Variants in POU3F3 observed in about 807,000 individuals in gnomAD.
POU3F3 encodes POU domain, class 3, transcription factor 3.
Under a neutral mutation model 8.6 loss-of-function variants are expected in POU3F3, and 1 was observed. The observed-to-expected ratio is 0.12, with a 90% CI of 0.04 to 0.55. POU3F3 has a LOEUF of 0.55. Ranked by LOEUF, POU3F3 falls within the 20% of genes least tolerant of loss-of-function variation. POU3F3 has a pLI of 0.91. For synonymous variants in POU3F3, 418 were observed against 327.4 expected (o/e 1.28, Z -2.99); for missense variants, 577 against 690.7 (o/e 0.84, Z 1.84).
the POU3F3 span, among the ~76,000 whole-genome samples, chr2:104,903,362 G>A: frequency 3.9e-5 from 6 of 152,126 alleles, no homozygotes; most frequent in African/African-American, 4.8e-5. Context: ...CCCATGCACC[G>A]GTGCTATATG....
chr2:104,878,321 A>G, the POU3F3 span, among the ~76,000 whole-genome samples: 8 of 152,228 alleles, frequency 5.3e-5, no homozygotes, highest in East Asian at 1.9e-4. Flanking sequence ...ATTATTTTCA[A>G]TGGAGTGGAT....
the POU3F3 span, among the ~76,000 whole-genome samples, chr2:104,898,634 G>A: frequency 6.6e-6 from 1 of 152,102 alleles, no homozygotes; most frequent in Non-Finnish European, 1.5e-5. Flanking sequence ...CCTTTGGTAA[G>A]CCTTACTAAC....
the POU3F3 span, among the ~76,000 whole-genome samples, chr2:104,916,810 G>C: frequency 6.6e-6 from 1 of 152,124 alleles, no homozygotes; most frequent in African/African-American, 2.4e-5. Flanking sequence ...TGCTGCGAAG[G>C]TTAATCTTAT....
chr2:104,877,560 C>T, the POU3F3 span, among the ~76,000 whole-genome samples: 5 of 152,126 alleles, frequency 3.3e-5, no homozygotes, highest in South Asian at 2.1e-4. Context: ...CTGGCTGAGA[C>T]AGAGCCAAGA....
chr2:104,906,560 A>G, the POU3F3 span, among the ~76,000 whole-genome samples: 3 of 152,122 alleles, frequency 2.0e-5, no homozygotes, highest in Admixed American at 6.5e-5. Flanking sequence ...CCTTTTTGTC[A>G]TGTTAAAAAA....
chr2:104,887,729 G>A, the POU3F3 span, among the ~76,000 whole-genome samples: 1 of 152,190 alleles, frequency 6.6e-6, no homozygotes, highest in Non-Finnish European at 1.5e-5. Context: ...CTAGTCCCAG[G>A]TGCATTCCGA....
the POU3F3 span, among the ~76,000 whole-genome samples, chr2:104,871,932 G>A: frequency 6.6e-6 from 1 of 152,144 alleles, no homozygotes; most frequent in African/African-American, 2.4e-5. Context: ...GGTCAGCGAC[G>A]GCCAGCGAAA....
chr2:104,868,282 C>A, the POU3F3 span: 1 of 456,676 alleles, frequency 2.2e-6, no homozygotes. Flanking sequence ...CAGTGAGGAG[C>A]TCAGGGCCCG....
At chr2:104,907,480 C>G in the POU3F3 span, among the ~76,000 whole-genome samples, 1 of 152,210 alleles carries the variant, frequency 6.6e-6, no homozygotes, top group Admixed American at 6.5e-5. Flanking sequence ...AACAACTACT[C>G]TCCTATTTTA....
chr2:104,882,417 A>G, the POU3F3 span, among the ~76,000 whole-genome samples: 2 of 151,798 alleles, frequency 1.3e-5, no homozygotes, highest in African/African-American at 4.8e-5. Flanking sequence ...ATGCCCGGCT[A>G]ATTTTTGTAC....
chr2:104,879,308 G>A, the POU3F3 span, among the ~76,000 whole-genome samples: 7 of 152,078 alleles, frequency 4.6e-5, no homozygotes, highest in Admixed American at 1.3e-4. Flanking sequence ...CGGGGTGTCC[G>A]GGAGACCAGC....
At chr2:104,896,059 G>A in the POU3F3 span, among the ~76,000 whole-genome samples, 12 of 152,294 alleles carry the variant, frequency 7.9e-5, no homozygotes, top group Admixed American at 2.6e-4. Context: ...AAGCCTGAGC[G>A]GCAGGGAGCA....
the POU3F3 span, among the ~76,000 whole-genome samples, chr2:104,879,627 G>A: frequency 1.3e-5 from 2 of 152,092 alleles, no homozygotes; most frequent in Admixed American, 6.5e-5. Context: ...GCCCTGAAGT[G>A]GGGTGCCCTG....
At chr2:104,922,333 A>G in the POU3F3 span, among the ~76,000 whole-genome samples, 2 of 151,684 alleles carry the variant, frequency 1.3e-5, no homozygotes, top group African/African-American at 4.8e-5. Flanking sequence ...CATCCTGGAG[A>G]AAGACCAGAT....
At chr2:104,907,623 T>C in the POU3F3 span, among the ~76,000 whole-genome samples, 11 of 152,348 alleles carry the variant, frequency 7.2e-5, no homozygotes, top group African/African-American at 2.6e-4. Context: ...TTATTATTTT[T>C]TGAAGTAGCT....
At chr2:104,863,800 C>T in the POU3F3 span, among the ~76,000 whole-genome samples, 2 of 152,184 alleles carry the variant, frequency 1.3e-5, no homozygotes, top group Non-Finnish European at 1.5e-5. Flanking sequence ...ACCTTTCGCT[C>T]GGGTCCCCAT....
chr2:104,863,280 C>T (rs553095155), downstream of POU3F3, among the ~76,000 whole-genome samples: 24 of 151,296 alleles, frequency 1.6e-4, no homozygotes, highest in South Asian at 8.4e-4. Flanking sequence ...AACCTGGGGG[C>T]TGGAGAAAGT....
the POU3F3 span, among the ~76,000 whole-genome samples, chr2:104,879,329 G>C: frequency 2.7e-4 from 41 of 152,270 alleles, no homozygotes; most frequent in Admixed American, 2.2e-3. Context: ...CCTGGCAGGG[G>C]TACGTGAGCT....
the POU3F3 span, among the ~76,000 whole-genome samples, chr2:104,893,320 G>C: frequency 6.6e-6 from 1 of 152,194 alleles, no homozygotes; most frequent in Admixed American, 6.5e-5. Flanking sequence ...TGCTCACCCT[G>C]GGTCTGGATG....
Sources: gnomAD v4.1 joint callset for allele counts (sites outside exome capture counted in the v4.1 genomes callset) on GRCh38, gnomAD v4.1.1 for gene constraint, MANE v1.5 for transcripts, NCBI Gene and HGNC (gene_info 2026-07-23, HGNC 2026-07-21) for gene names.